CLTRN: variants seen among roughly 807,000 people sequenced by gnomAD.
CLTRN encodes the protein collectrin, amino acid transport regulator.
Under a neutral mutation model 14.5 loss-of-function variants are expected in CLTRN, and 12 were observed. The observed-to-expected ratio is 0.83, with a 90% CI of 0.53 to 1.34. CLTRN has a LOEUF of 1.34. CLTRN is among the 40% of genes most tolerant of loss of function. CLTRN has a pLI of 0.00. For missense variants in CLTRN, 154 were observed against 165.1 expected (o/e 0.93, Z 0.37); for synonymous variants, 58 against 56.5 (o/e 1.03, Z -0.12).
At position 15,658,021 on chromosome X, in the gene CLTRN, T is replaced by C. The variant is rs756725818; in HGVS notation, c.203+995A>G. 7.2e-5 allele frequency among the ~76,000 whole-genome samples: 8 copies of C among 111,793 alleles called. No homozygotes were observed. The East Asian group carries it at 2.2e-3, about 31-fold the overall frequency. On this transcript the variant is annotated intron_variant, in intron 3 of 5. Coordinates refer to ENST00000380342, the MANE Select transcript of CLTRN (RefSeq NM_020665.6). Reference sequence around the variant, plus strand: ...GTAATCATCTATACTGGGCCTTGAATTATTATAGAATTAAGACAAAAAGAT... The same window carrying C: ...GTAATCATCTATACTGGGCCTTGAACTATTATAGAATTAAGACAAAAAGAT...
At chrX:15,638,404 C>T (rs1238929780) in intron 5 of CLTRN, among the ~76,000 whole-genome samples, 1 of 111,939 alleles carries the variant, frequency 8.9e-6, no homozygotes, top group Non-Finnish European at 1.9e-5. Context: ...AAAATTATTA[C>T]CTTCTGTTAG....
chrX:15,634,893 C>T (rs1292927198), intron 5 of CLTRN, among the ~76,000 whole-genome samples: 2 of 106,396 alleles, frequency 1.9e-5, no homozygotes, highest in Non-Finnish European at 3.9e-5. Context: ...TGTAACTAAC[C>T]TGCACAATGT....
chrX:15,670,706 C>A (rs145351727), intron 1 of CLTRN, among the ~76,000 whole-genome samples: 2,238 of 110,893 alleles, frequency 0.02, 52 homozygotes, highest in African/African-American at 0.07. Context: ...CATTTTTAGT[C>A]ATCATGAATG....
At chrX:15,646,665 G>A (rs752584092) in intron 3 of CLTRN, 138 of 339,765 alleles carry the variant, frequency 4.1e-4, no homozygotes, top group African/African-American at 3.2e-3. Context: ...CCGCATCCGC[G>A]TCCTGAGAGA....
In CLTRN at chrX:15,670,351, A is replaced by AC. The variant is rs751102467; in HGVS notation, c.-505-2416_-505-2415insG. On this transcript the variant is annotated intron_variant, in intron 1 of 6. Transcript: ENST00000650271. ...CACACACACACACACACACACACAC[A>AC]AACCCCTTTGGAAGTTTTAATATCT... Among the ~76,000 whole-genome samples, 172 of 107,516 alleles carry AC rather than the reference A, an allele frequency of 1.6e-3. No individual in the cohort carries two copies. The East Asian group carries it at 0.031, about 19-fold the overall frequency. 93.4% of individuals were successfully genotyped at this position (107,516 alleles called of 115,157 possible). A position where few individuals can be genotyped will look rare whatever the true frequency, so the allele number is the denominator to read the frequency against.
chrX:15,632,365 G>A (rs1442140078), intron 5 of CLTRN, among the ~76,000 whole-genome samples: 1 of 110,109 alleles, frequency 9.1e-6, no homozygotes, highest in Non-Finnish European at 1.9e-5. Flanking sequence ...ATCACCTGAG[G>A]TCAGGAGTTC....
chrX:15,648,723 A>C (rs1263115841), intron 3 of CLTRN, among the ~76,000 whole-genome samples: 1 of 110,139 alleles, frequency 9.1e-6, no homozygotes, highest in Non-Finnish European at 1.9e-5. Context: ...AGGCAGGAGA[A>C]TCGCTTGAAC....
In CLTRN at chrX:15,627,872, G is replaced by A; in HGVS notation, c.*99C>T. ...CAAAATTTATTACAAAAGAAGAATGGTGAAACAAAATATATGATCTGCTCT... is the reference window on the plus strand; with the variant it reads ...CAAAATTTATTACAAAAGAAGAATGATGAAACAAAATATATGATCTGCTCT... On this transcript the variant is annotated 3_prime_UTR_variant, in exon 6 of 6. Transcript: ENST00000380342. The A allele has an allele frequency of 1.4e-6, 1 of 732,062 alleles. No individual in the cohort carries two copies. The highest frequency in any genetic ancestry group is 1.8e-6 in the Non-Finnish European group (1 of 551,762). 60.3% of individuals were successfully genotyped at this position (732,062 alleles called of 1,213,427 possible).
At chrX:15,667,147 G>C (rs780225719), upstream of CLTRN, among the ~76,000 whole-genome samples, 3 of 111,727 alleles carry the variant, frequency 2.7e-5, no homozygotes, top group South Asian at 1.1e-3. Flanking sequence ...TGAGGCAGGA[G>C]AATTGCTTGA....
intron 5 of CLTRN, among the ~76,000 whole-genome samples, chrX:15,635,437 T>A (rs1474391450): frequency 8.9e-6 from 1 of 112,066 alleles, no homozygotes; most frequent in Non-Finnish European, 1.9e-5. Context: ...AACAGACACA[T>A]AGACAAATGG....
chrX:15,628,167 A>G (rs368615780), intron 5 of CLTRN, 40 bp from the exon 6 acceptor site: 82 of 986,302 alleles, frequency 8.3e-5, no homozygotes, highest in Non-Finnish European at 1.1e-4. Flanking sequence ...ATCTAGAAGG[A>G]CCATAACCAT....
chrX:15,631,251 AATG>A (rs1467297173), intron 5 of CLTRN, among the ~76,000 whole-genome samples: 2 of 111,996 alleles, frequency 1.8e-5, no homozygotes, highest in Admixed American at 1.9e-4. Context: ...GCTTGGAGTG[AATG>A]ATAATTTTCC....
intron 3 of CLTRN, among the ~76,000 whole-genome samples, chrX:15,657,835 G>A (rs989809139): frequency 2.7e-5 from 3 of 111,581 alleles, no homozygotes; most frequent in East Asian, 5.5e-4. Context: ...TTTGAATCAC[G>A]TTAATATATT....
At chrX:15,645,906 T>A (rs773141313) in intron 3 of CLTRN, among the ~76,000 whole-genome samples, 1 of 113,007 alleles carries the variant, frequency 8.8e-6, no homozygotes, top group Non-Finnish European at 1.9e-5. Context: ...AAGAATCTGA[T>A]ATGAGTAAAG....
rs180876987 is a variant in CLTRN, at chrX:15,639,097, T to C, written c.512+465A>G. On this transcript the variant is annotated intron_variant, in intron 5 of 5. Transcript: ENST00000380342. ...AGTGTCCATCAAAGGGAAGGAAGTA[T>C]AAAACAGTACAAAGGCATCTGGGAC... Among the ~76,000 whole-genome samples, 5 of 111,686 alleles carry C rather than the reference T, an allele frequency of 4.5e-5. No homozygotes were observed. In the East Asian group the frequency reaches 1.4e-3, roughly 31 times the overall value.
Position 15,639,720 on chromosome X carries a change from T to TA in CLTRN, c.353dup (p.Asn119LysfsTer2). On this transcript the variant is annotated frameshift_variant, in exon 5 of 6. Coordinates refer to ENST00000380342, the MANE Select transcript of CLTRN (RefSeq NM_020665.6). LOFTEE classifies it high-confidence loss of function. ...TTAAAAATTCCAGAGTTTGGTCATT[T>TA]AGAAAGAAGGCATTGTTGATCCGGT... is the stretch of plus-strand genomic sequence containing the variant. 3.3e-6 allele frequency: 4 copies of TA among 1,209,845 alleles called. No individual in the cohort carries two copies. Among genetic ancestry groups the TA allele is most frequent in the Non-Finnish European group, 4.5e-6 (4 of 894,822 alleles).
At chrX:15,665,948 ACTG>A (rs1409623720), upstream of CLTRN, among the ~76,000 whole-genome samples, 1 of 111,741 alleles carries the variant, frequency 8.9e-6, no homozygotes, top group African/African-American at 3.3e-5. Flanking sequence ...ACCACACCCA[ACTG>A]CTCTGTGTCT....
Position 15,632,629 on chromosome X carries a change from C to T in CLTRN, c.513-4502G>A, listed in dbSNP as rs189839625. Among the ~76,000 whole-genome samples, 7 of 109,660 alleles carry T rather than the reference C, an allele frequency of 6.4e-5. No homozygotes were observed. The East Asian group carries it at 8.5e-4, about 13-fold the overall frequency. On this transcript the variant is annotated intron_variant, in intron 5 of 5. Coordinates refer to ENST00000380342, the MANE Select transcript of CLTRN (RefSeq NM_020665.6). ...TAAAGAGGCTGGGTGTGGTGGCTCGCGCCTGTAATCCCAGCACTTTGGGAG... is the reference window on the plus strand; with the variant it reads ...TAAAGAGGCTGGGTGTGGTGGCTCGTGCCTGTAATCCCAGCACTTTGGGAG...
chrX:15,672,914 G>T, intron 1 of CLTRN, among the ~76,000 whole-genome samples: 2 of 112,098 alleles, frequency 1.8e-5, no homozygotes, highest in Non-Finnish European at 3.8e-5. Flanking sequence ...TGCCATTATG[G>T]GGAAAGATTA....
Sources: gnomAD v4.1 joint callset for allele counts (sites outside exome capture counted in the v4.1 genomes callset) on GRCh38, gnomAD v4.1.1 for gene constraint, MANE v1.5 for transcripts, NCBI Gene and HGNC (gene_info 2026-07-23, HGNC 2026-07-21) for gene names.